The following IPO8 variants were observed in gnomAD, a reference collection of about 807,000 sequenced individuals.
The protein encoded by IPO8 is importin-8.
In IPO8, 65 loss-of-function variants were observed where a neutral mutation model predicts 141.2. The ratio of observed to expected loss-of-function variants is 0.46; its 90% CI spans 0.38 to 0.57. IPO8 has a LOEUF of 0.57. Ranked by LOEUF, IPO8 falls within the 20% of genes least tolerant of loss-of-function variation. IPO8 has a pLI of 0.00. For missense variants in IPO8, 980 were observed against 1,246.8 expected (o/e 0.79, Z 3.22); for synonymous variants, 411 against 420.3 (o/e 0.98, Z 0.27).
chr12:30,632,744 C>T (rs764335403), intron 23 of IPO8, among the ~76,000 whole-genome samples: 1 of 152,158 alleles, frequency 6.6e-6, no homozygotes. Flanking sequence ...GTTTTTTCTG[C>T]ACATCATCCA....
At chr12:30,652,162 CA>C (rs764310387) in intron 19 of IPO8, 29 bp downstream of exon 19, 2 of 1,276,636 alleles carry the variant, frequency 1.6e-6, no homozygotes, top group South Asian at 2.5e-5. Flanking sequence ...AGTTAAGAAC[CA>C]CTGAAACAAT....
chr12:30,671,771 T>C (rs1191895781), intron 8 of IPO8, among the ~76,000 whole-genome samples: 3 of 150,976 alleles, frequency 2.0e-5, no homozygotes, highest in African/African-American at 4.8e-5. Context: ...CAAAGATGTT[T>C]CTTTATTTCA....
chr12:30,662,214 ATGT>A (rs1351379276), intron 15 of IPO8, 110 bp downstream of exon 15: 8 of 774,200 alleles, frequency 1.0e-5, no homozygotes, highest in African/African-American at 7.0e-5. Context: ...ATTGACTGAA[ATGT>A]TGTTAAGCAG....
At position 30,695,596 on chromosome 12, in the gene IPO8, A is replaced by C. The variant is rs765495206; in HGVS notation, c.52T>G (p.Leu18Val). ...AGCTCGTTCTCGGCTGCAATCCGCA[A>C]CTTCGGGTCGATGGTGCCCTTCAGC... ...QALKGTIDPK[L>V]RIAAENELNQ... The change falls in exon 1 of 25, where the codon TTG becomes GTG. Residue 18 changes from leucine to valine, a missense_variant. This residue lies in a region of IPO8 where 40 missense variants were observed against 46.3 expected (regional missense o/e 0.86). Transcript: ENST00000256079. This position sits in a 1 kb window ranked among gnomAD's most constrained non-coding sequence, Gnocchi z 4.2. 8.1e-6 allele frequency: 13 copies of C among 1,614,068 alleles called. No homozygotes were observed. In the South Asian group the frequency reaches 1.4e-4, roughly 18 times the overall value.
intron 2 of IPO8, chr12:30,688,353 C>T (rs913973473): frequency 1.8e-5 from 7 of 396,656 alleles, no homozygotes; most frequent in Non-Finnish European, 3.4e-5. Context: ...TAAGAAAGGA[C>T]ATTCACCAGT....
intron 2 of IPO8, 88 bp from the exon 3 acceptor site, chr12:30,684,545 A>G (rs1222437529): frequency 7.7e-7 from 1 of 1,300,328 alleles, no homozygotes; most frequent in African/African-American, 1.5e-5. Flanking sequence ...CAAACCCTTC[A>G]ATGTTAAACA....
intron 17 of IPO8, among the ~76,000 whole-genome samples, chr12:30,655,509 T>TA (rs1236753569): frequency 2.0e-5 from 3 of 152,214 alleles, no homozygotes; most frequent in Admixed American, 1.3e-4. Flanking sequence ...ACATGGTTAC[T>TA]AACTATGGTC....
In IPO8 at chr12:30,676,569, G is replaced by T; in HGVS notation, c.658C>A (p.Leu220Ile). 1 of 1,611,242 alleles carries T rather than the reference G, an allele frequency of 6.2e-7. No individual in the cohort carries two copies. The highest frequency in any genetic ancestry group is 8.5e-7 in the Non-Finnish European group (1 of 1,177,572). Residue 220 changes from leucine to isoleucine, a missense_variant, in exon 6 of 25, where the codon CTA (leucine) becomes ATA (isoleucine). Physicochemically the swap from Leu to Ile is conservative, Grantham distance 5. Transcript: ENST00000256079. ...ALVQYALPLQ[L>I]VNNQTMTTWM... Reference sequence around the variant, plus strand: ...GTTGTCATGGTTTGGTTATTCACTAGCTGAAGAGGCAATGCATACTGGAAA... The same window carrying T: ...GTTGTCATGGTTTGGTTATTCACTATCTGAAGAGGCAATGCATACTGGAAA...
intron 19 of IPO8, 33 bp from the exon 20 acceptor site, chr12:30,649,265 T>C: frequency 6.8e-7 from 1 of 1,460,678 alleles, no homozygotes; most frequent in East Asian, 2.3e-5. Flanking sequence ...CAGCAGTAAG[T>C]GGCACTGCAT....
intron 19 of IPO8, among the ~76,000 whole-genome samples, chr12:30,651,429 A>G (rs974449874): frequency 6.6e-6 from 1 of 152,114 alleles, no homozygotes; most frequent in Non-Finnish European, 1.5e-5. Context: ...TAAGGAAAAC[A>G]AAAGTGTGTT....
Position 30,636,971 on chromosome 12 carries a change from G to A in IPO8, c.2695+11C>T. On this transcript the variant is annotated intron_variant, in intron 22 of 24. Transcript: ENST00000256079. Reference sequence around the variant, plus strand: ...TCAATTGTAACATTAATTTCAATTAGAAGACTTTACCATTTTCTTCCATAT... The same window carrying A: ...TCAATTGTAACATTAATTTCAATTAAAAGACTTTACCATTTTCTTCCATAT... 1 of 1,606,064 alleles carries A rather than the reference G, an allele frequency of 6.2e-7. No homozygotes were observed.
At position 30,666,167 on chromosome 12, in the gene IPO8, T is replaced by A; in HGVS notation, c.1221+8A>T. The A allele has an allele frequency of 2.6e-6, 4 of 1,550,204 alleles. No homozygotes were observed. In the South Asian group the frequency reaches 4.9e-5, roughly 19 times the overall value. On this transcript the variant is annotated splice_region_variant and intron_variant, in intron 11 of 24. Coordinates refer to ENST00000256079, the MANE Select transcript of IPO8 (RefSeq NM_006390.4). ...TCAGTTTTGGATTTAAAAAGAAAAA[T>A]GAAATACCTCTTTTCTTTTCTTTGC...
chr12:30,664,380 C>A (rs1259543909), intron 13 of IPO8, among the ~76,000 whole-genome samples: 3 of 152,116 alleles, frequency 2.0e-5, no homozygotes, highest in Admixed American at 6.6e-5. Flanking sequence ...TTGTTTTTAG[C>A]AAGACATTTT....
chr12:30,643,634 G>A (rs1015176118), intron 20 of IPO8, among the ~76,000 whole-genome samples: 2 of 152,186 alleles, frequency 1.3e-5, no homozygotes, highest in Non-Finnish European at 2.9e-5. Flanking sequence ...TGTAATGAGC[G>A]ACTTCTCACT....
At position 30,695,187 on chromosome 12, in the gene IPO8, T is replaced by C; in HGVS notation, c.84+377A>G. 2.6e-6 allele frequency: 1 copy of C among 388,878 alleles called. No individual in the cohort carries two copies. Among genetic ancestry groups the C allele is most frequent in the East Asian group, 6.5e-5 (1 of 15,392 alleles). 24.1% of individuals were successfully genotyped at this position (388,878 alleles called of 1,614,324 possible). A position where few individuals can be genotyped will look rare whatever the true frequency, so the allele number is the denominator to read the frequency against. On this transcript the variant is annotated intron_variant, in intron 1 of 24. Transcript: ENST00000256079. The surrounding 1 kb of genome is among the most constrained non-coding windows in gnomAD (Gnocchi z 4.2). The stretch of plus-strand genomic sequence containing the variant: ...TTTGGAAAAAAGCTGAACTCAGATT[T>C]GAACTGTAAGTAAAATTCCCACCTG...
intron 23 of IPO8, among the ~76,000 whole-genome samples, chr12:30,632,384 G>A (rs1416102613): frequency 6.6e-6 from 1 of 152,078 alleles, no homozygotes; most frequent in Non-Finnish European, 1.5e-5. Flanking sequence ...CCACCCCAAG[G>A]ATTCAAATCT....
At chr12:30,647,755 G>A (rs2052669708) in intron 20 of IPO8, among the ~76,000 whole-genome samples, 1 of 151,840 alleles carries the variant, frequency 6.6e-6, no homozygotes, top group African/African-American at 2.4e-5. Context: ...CCGATAACAG[G>A]CTTCAATGTA....
intron 17 of IPO8, among the ~76,000 whole-genome samples, 192 bp from the exon 18 acceptor site, chr12:30,653,284 G>A (rs529371369): frequency 1.4e-3 from 216 of 151,856 alleles, no homozygotes; most frequent in Admixed American, 2.5e-3. Context: ...ACCAAGATCT[G>A]CCCCTCTGTT....
intron 23 of IPO8, among the ~76,000 whole-genome samples, chr12:30,633,258 A>G (rs2052458025): frequency 6.6e-6 from 1 of 152,214 alleles, no homozygotes; most frequent in Non-Finnish European, 1.5e-5. Context: ...AAAAACATTT[A>G]CATGTAAGGA....
Sources: allele counts gnomAD v4.1 joint callset (sites outside exome capture counted in the v4.1 genomes callset), GRCh38; gene constraint gnomAD v4.1.1; regional missense constraint gnomAD v4.1.1; non-coding constraint Gnocchi (gnomAD v3.1); transcripts MANE v1.5; gene names NCBI Gene and HGNC (gene_info 2026-07-23, HGNC 2026-07-21).